ATP12A: variants seen among roughly 807,000 people sequenced by gnomAD.
ATP12A encodes the protein potassium-transporting ATPase alpha chain 2.
In ATP12A, 81 loss-of-function variants were observed where a neutral mutation model predicts 111.2. The ratio of observed to expected loss-of-function variants is 0.73; its 90% CI spans 0.61 to 0.88. ATP12A has a LOEUF of 0.88. ATP12A is among the 40% of genes least tolerant of loss of function. ATP12A has a pLI of 0.00. For synonymous variants in ATP12A, 498 were observed against 499.8 expected (o/e 1.00, Z 0.05); for missense variants, 1,196 against 1,313.1 (o/e 0.91, Z 1.38).
intron 2 of ATP12A, among the ~76,000 whole-genome samples, chr13:24,682,323 G>T (rs1593129058): frequency 7.3e-6 from 1 of 136,518 alleles, no homozygotes. Context: ...TGTGTGGTGT[G>T]TGTGTAGCGT....
intron 17 of ATP12A, among the ~76,000 whole-genome samples, chr13:24,708,917 GA>G (rs1183514361): frequency 8.3e-6 from 1 of 120,442 alleles, no homozygotes; most frequent in African/African-American, 3.5e-5. Flanking sequence ...AAGAAAGAAA[GA>G]AAGAAAGAAA....
intron 13 of ATP12A, among the ~76,000 whole-genome samples, chr13:24,701,598 A>G (rs557612643): frequency 2.8e-4 from 43 of 152,266 alleles, no homozygotes; most frequent in African/African-American, 1.0e-3. Context: ...CCCATAATCC[A>G]TGTTCATCAT....
At chr13:24,710,741 A>C (rs1161719856) in intron 20 of ATP12A, 51 bp from the exon 21 acceptor site, 1 of 1,606,554 alleles carries the variant, frequency 6.2e-7, no homozygotes, top group East Asian at 2.2e-5. Flanking sequence ...TGGGTGTATG[A>C]TCATGAAGCC....
chr13:24,682,385 G>GCGCGCAC (rs1452310997), intron 2 of ATP12A, among the ~76,000 whole-genome samples: 3 of 110,606 alleles, frequency 2.7e-5, no homozygotes, highest in Non-Finnish European at 3.9e-5. Context: ...GTGTGTGTGT[G>GCGCGCAC]GTGTGTGGTG....
intron 14 of ATP12A, among the ~76,000 whole-genome samples, chr13:24,705,101 C>A (rs1269679188): frequency 1.3e-5 from 2 of 152,128 alleles, no homozygotes; most frequent in Non-Finnish European, 2.9e-5. Context: ...GTAAAACAGA[C>A]CTAGAAAGCT....
chr13:24,707,470 C>T (rs1875724824), intron 17 of ATP12A, 37 bp downstream of exon 17: 1 of 1,611,726 alleles, frequency 6.2e-7, no homozygotes, highest in Non-Finnish European at 8.5e-7. Context: ...GTGATGCCTG[C>T]CCCAGGGGAG....
intron 2 of ATP12A, among the ~76,000 whole-genome samples, chr13:24,682,136 GTATA>G (rs879365986): frequency 0.11 from 12,192 of 115,952 alleles, 1,114 homozygotes; most frequent in South Asian, 0.14. Context: ...TGTGTGGTGT[GTATA>G]TGTGTGTGGT....
chr13:24,705,449 G>A (rs1488821741), intron 14 of ATP12A, among the ~76,000 whole-genome samples: 1 of 152,208 alleles, frequency 6.6e-6, no homozygotes, highest in Non-Finnish European at 1.5e-5. Context: ...GACTGGCTCA[G>A]GCAGCTCTGC....
chr13:24,702,941 G>A (rs905686484), intron 14 of ATP12A, among the ~76,000 whole-genome samples: 1 of 152,206 alleles, frequency 6.6e-6, no homozygotes, highest in Non-Finnish European at 1.5e-5. Context: ...GCTGGGTTAT[G>A]TTTTCACGCA....
At chr13:24,696,280 G>C (rs1432759490) in intron 11 of ATP12A, among the ~76,000 whole-genome samples, 1 of 152,108 alleles carries the variant, frequency 6.6e-6, no homozygotes, top group African/African-American at 2.4e-5. Context: ...TCAGCAGCAG[G>C]ACTTGGAGCC....
rs1875922496 is a variant in ATP12A, at chr13:24,710,604, T to G, written c.2897+11T>G. The G allele has an allele frequency of 6.2e-7, 1 of 1,613,984 alleles. No individual in the cohort carries two copies. On this transcript the variant is annotated intron_variant, in intron 20 of 22. Coordinates refer to ENST00000381946, the MANE Select transcript of ATP12A (RefSeq NM_001676.7). ...GCAGGGTCTCTTCAGGTACTGCCTG[T>G]GCCCGGCCTCCTGGGGCAGCCCTGG...
rs750551445 is a variant in ATP12A at position 24,709,373 on chromosome 13, A to G, written c.2503A>G (p.Ile835Val). The G allele has an allele frequency of 6.5e-6, 10 of 1,533,758 alleles. No individual in the cohort carries two copies. Among genetic ancestry groups the G allele is most frequent in the Non-Finnish European group, 7.9e-6 (9 of 1,134,266 alleles). Reference protein sequence around the residue: ...IDLGTDIIPSIALAYEKAESD... With the variant: ...IDLGTDIIPSVALAYEKAESD... ...GCCTCTTCCCCTCTAGATCCCCTCC[A>G]TTGCCTTGGCGTACGAGAAAGCTGA... is the stretch of plus-strand genomic sequence containing the variant. Residue 835 changes from isoleucine (I) to valine (V), a missense_variant, in exon 18 of 23, where the codon ATT (isoleucine) becomes GTT (valine). By Grantham distance (29) the Ile-to-Val change is conservative (BLOSUM62 3). Around this residue, in one of 3 missense-constraint regions of ATP12A, gnomAD observed 1,126 missense variants for 1,228.5 expected, o/e 0.92. Transcript: ENST00000381946.
chr13:24,694,645 C>T, intron 11 of ATP12A, 67 bp downstream of exon 11: 1 of 1,599,756 alleles, frequency 6.3e-7, no homozygotes, highest in South Asian at 1.1e-5. Flanking sequence ...TGCATGCATC[C>T]TTTGCTTACC....
At chr13:24,689,137 A>G (rs770091921) in intron 4 of ATP12A, 125 bp from the exon 5 acceptor site, 10 of 754,424 alleles carry the variant, frequency 1.3e-5, no homozygotes, top group Non-Finnish European at 2.0e-5. Context: ...GGCGAATTCC[A>G]TGGCCTGTAA....
chr13:24,690,541 C>A, intron 6 of ATP12A, 63 bp from the exon 7 acceptor site: 1 of 1,603,572 alleles, frequency 6.2e-7, no homozygotes, highest in Non-Finnish European at 8.5e-7. Flanking sequence ...TCTTTCCCAG[C>A]ATCAGTATAA....
chr13:24,710,839 T>C lies in ATP12A; in HGVS notation c.2945T>C (p.Leu982Pro). The change falls in exon 21 of 23, where the codon CTG becomes CCG. Residue 982 changes from leucine (L) to proline (P), a missense_variant. By Grantham distance (98) the Leu-to-Pro change is moderately conservative. Coordinates refer to ENST00000381946, the MANE Select transcript of ATP12A (RefSeq NM_001676.7). ...VGITSQIIIG[L>P]ILSYGLGSVT... ...ATCACCTCACAGATCATCATTGGTC[T>C]GATCCTCTCCTATGGCCTCGGAAGT... The C allele has an allele frequency of 6.2e-7, 1 of 1,614,262 alleles. No homozygotes were observed. Among genetic ancestry groups the C allele is most frequent in the Non-Finnish European group, 8.5e-7 (1 of 1,180,046 alleles).
intron 17 of ATP12A, among the ~76,000 whole-genome samples, chr13:24,707,906 T>C (rs1397602539): frequency 1.3e-5 from 2 of 151,800 alleles, no homozygotes; most frequent in African/African-American, 2.4e-5. Context: ...TGCCTCGGCC[T>C]CCCAAAGTGC....
rs139332250 is a variant in ATP12A at position 24,700,808 on chromosome 13, C to A, written c.1767C>A (p.Asp589Glu). Residue 589 changes from aspartate (D) to glutamate (E), a missense_variant, in exon 13 of 23, where the codon GAC becomes GAA. Asp to Glu is a conservative substitution (Grantham distance 45, BLOSUM62 2). Transcript: ENST00000381946. ...EFPETYSFDIDAMNFPTSNLC... is the reference protein window; with the variant it reads ...EFPETYSFDIEAMNFPTSNLC... ...CAGAAACCTACTCATTTGACATAGACGCTATGAACTTTCCGACCTCCAACC... is the reference window on the plus strand; with the variant it reads ...CAGAAACCTACTCATTTGACATAGAAGCTATGAACTTTCCGACCTCCAACC... 245 of 1,614,010 alleles carry A rather than the reference C, an allele frequency of 1.5e-4. No homozygotes were observed. Among genetic ancestry groups the A allele is most frequent in the Non-Finnish European group, 2.0e-4 (238 of 1,180,040 alleles).
Position 24,690,415 on chromosome 13 carries a change from C to T in ATP12A, c.624C>T (p.Val208=). The T allele has an allele frequency of 6.2e-7, 1 of 1,613,268 alleles. No individual in the cohort carries two copies. Among genetic ancestry groups the T allele is most frequent in the Non-Finnish European group, 8.5e-7 (1 of 1,179,896 alleles). ...TGGTGGTGGGGGACATTGTGGAGGT[C>T]AAAGGAGGAGACCAGATCCCTGCAG... ...EQLVVGDIVE[V]KGGDQIPADI... Residue 208 remains valine (V), a synonymous_variant, in exon 6 of 23, where the codon GTC becomes GTT. Transcript: ENST00000381946.
Sources: gnomAD v4.1 joint callset for allele counts (sites outside exome capture counted in the v4.1 genomes callset) on GRCh38, gnomAD v4.1.1 for gene constraint, gnomAD v4.1.1 regional missense constraint, MANE v1.5 for transcripts, NCBI Gene and HGNC (gene_info 2026-07-23, HGNC 2026-07-21) for gene names.